PPFIA2: variants seen among roughly 807,000 people sequenced by gnomAD.
PPFIA2 encodes the protein liprin-alpha-2.
Under a neutral mutation model 175.5 loss-of-function variants are expected in PPFIA2, and 46 were observed. The observed-to-expected ratio is 0.26, with a 90% CI of 0.21 to 0.34. PPFIA2 has a LOEUF of 0.34. Among genes scored for constraint, PPFIA2 ranks in the 10% least tolerant of loss-of-function variants. The probability of loss-of-function intolerance (pLI) is 1.00; values close to 1 mark genes in which losing one functional copy is unlikely to be tolerated. For synonymous variants in PPFIA2, 568 were observed against 511.4 expected, an observed-to-expected ratio of 1.11 and a Z score of -1.49; for missense variants, 1,179 against 1,506.1, an observed-to-expected ratio of 0.78 and a Z score of 3.60.
intron 4 of PPFIA2, among the ~76,000 whole-genome samples, chr12:81,621,457 G>C (rs914056146): frequency 2.6e-5 from 4 of 152,184 alleles, no homozygotes; most frequent in African/African-American, 9.7e-5. Context: ...CTGAGCAGTG[G>C]GATGCCATAA....
At chr12:81,517,197 C>A (rs2062570332) in intron 4 of PPFIA2, among the ~76,000 whole-genome samples, 1 of 148,504 alleles carries the variant, frequency 6.7e-6, no homozygotes. Flanking sequence ...AAATTTGTCA[C>A]ACATGTTAAA....
intron 4 of PPFIA2, among the ~76,000 whole-genome samples, chr12:81,569,528 C>A (rs2072068351): frequency 6.6e-6 from 1 of 152,058 alleles, no homozygotes; most frequent in Non-Finnish European, 1.5e-5. Context: ...TAATATCTTT[C>A]CAGGTATACT....
chr12:81,617,245 T>C (rs958871447), intron 4 of PPFIA2, among the ~76,000 whole-genome samples: 4 of 152,208 alleles, frequency 2.6e-5, no homozygotes, highest in Non-Finnish European at 5.9e-5. Flanking sequence ...GTTGAATTTG[T>C]CCCTTTCTTA....
intron 4 of PPFIA2, among the ~76,000 whole-genome samples, chr12:81,625,105 TG>T (rs1166682434): frequency 6.6e-6 from 1 of 151,872 alleles, no homozygotes; most frequent in African/African-American, 2.4e-5. Flanking sequence ...ACAATATGTT[TG>T]TATGAATAGA....
At chr12:81,556,187 C>T (rs2068825665) in intron 4 of PPFIA2, among the ~76,000 whole-genome samples, 1 of 151,810 alleles carries the variant, frequency 6.6e-6, no homozygotes. Context: ...ACTTATTCAT[C>T]AAAATGAAAT....
intron 4 of PPFIA2, among the ~76,000 whole-genome samples, chr12:81,653,363 T>C (rs1352665610): frequency 1.3e-5 from 2 of 152,092 alleles, no homozygotes; most frequent in African/African-American, 4.8e-5. Context: ...CCTTTGTTCC[T>C]TGTCTTAGTA....
intron 24 of PPFIA2, among the ~76,000 whole-genome samples, chr12:81,290,672 G>A (rs550316261): frequency 3.9e-5 from 6 of 151,960 alleles, no homozygotes; most frequent in African/African-American, 1.2e-4. Flanking sequence ...ACATTTAGTA[G>A]TGATTTTTAA....
Position 81,368,704 on chromosome 12 carries a change from T to G in PPFIA2, c.1482+21A>C. 3 of 1,597,072 alleles carry G rather than the reference T, an allele frequency of 1.9e-6. No homozygotes were observed. The South Asian group carries it at 3.4e-5, about 18-fold the overall frequency. On this transcript the variant is annotated intron_variant, in intron 13 of 32. Transcript: ENST00000549396. ...GAGCATTGCAAAATATTCATGTGAT[T>G]TTACCCTTCTATCGTTTTACCTTTT...
chr12:81,718,011 G>A (rs1175133402), intron 3 of PPFIA2, among the ~76,000 whole-genome samples: 1 of 151,634 alleles, frequency 6.6e-6, no homozygotes, highest in Non-Finnish European at 1.5e-5. Context: ...GTCCCTCACT[G>A]GAGAGGCACC....
At chr12:81,316,212 G>C (rs2052321311) in intron 22 of PPFIA2, among the ~76,000 whole-genome samples, 1 of 151,462 alleles carries the variant, frequency 6.6e-6, no homozygotes, top group South Asian at 2.1e-4. Context: ...GCCCTTCTTA[G>C]AAGTGTGGAG....
At chr12:81,478,517 G>T (rs1159521083) in intron 4 of PPFIA2, among the ~76,000 whole-genome samples, 1 of 151,738 alleles carries the variant, frequency 6.6e-6, no homozygotes, top group East Asian at 1.9e-4. Flanking sequence ...GTTCATTTTA[G>T]ATTTTAGATC....
At position 81,363,702 on chromosome 12, in the gene PPFIA2, C is replaced by T. The variant is rs542565623; in HGVS notation, c.1546-918G>A. Among the ~76,000 whole-genome samples, 5 of 151,714 alleles carry T rather than the reference C, an allele frequency of 3.3e-5. No homozygotes were observed. The East Asian group carries it at 7.8e-4, about 24-fold the overall frequency. ...TTTTCTGTTCTTTTTATTCTCACTA[C>T]GTCACTACCATCCTACTCTAAGCCC... On this transcript the variant is annotated intron_variant, in intron 14 of 32. Transcript: ENST00000549396.
At chr12:81,561,682 A>G (rs1357137138) in intron 4 of PPFIA2, among the ~76,000 whole-genome samples, 3 of 152,170 alleles carry the variant, frequency 2.0e-5, no homozygotes, top group Non-Finnish European at 4.4e-5. Context: ...AAATTATAGC[A>G]TAGGGTTCAG....
chr12:81,362,574 G>A lies in PPFIA2; in HGVS notation c.1637+119C>T, dbSNP rs575018344. ...GCAAATCAGTGAAGAGTCAAAACAT[G>A]ATAATGACTAGTGAGCAATAGGAAG... On this transcript the variant is annotated intron_variant, in intron 15 of 32. Coordinates refer to ENST00000549396, the MANE Select transcript of PPFIA2 (RefSeq NM_003625.5). 3.5e-4 allele frequency: 197 copies of A among 559,378 alleles called. 1 individual carries two copies. The South Asian group carries it at 4.7e-3, about 13-fold the overall frequency. 34.7% of individuals were successfully genotyped at this position (559,378 alleles called of 1,614,324 possible).
chr12:81,302,748 A>G (rs573466990), intron 22 of PPFIA2: 81 of 441,288 alleles, frequency 1.8e-4, no homozygotes, highest in African/African-American at 1.5e-3. Context: ...AAATTTACAA[A>G]GCAATATTGC....
At chr12:81,707,735 C>G (rs12367491) in intron 3 of PPFIA2, among the ~76,000 whole-genome samples, 1 of 150,682 alleles carries the variant, frequency 6.6e-6, no homozygotes, top group African/African-American at 2.4e-5. Flanking sequence ...ATGTTTATTG[C>G]GGCACTATTC....
At chr12:81,706,163 T>A (rs1228839524) in intron 3 of PPFIA2, among the ~76,000 whole-genome samples, 1 of 152,184 alleles carries the variant, frequency 6.6e-6, no homozygotes, top group Non-Finnish European at 1.5e-5. Flanking sequence ...TGGGACCAAC[T>A]TAGAAGATTA....
At chr12:81,400,442 A>C (rs1255237363) in intron 8 of PPFIA2, among the ~76,000 whole-genome samples, 6 of 152,194 alleles carry the variant, frequency 3.9e-5, no homozygotes, top group Non-Finnish European at 7.3e-5. Context: ...GTTCTATAAT[A>C]AAAATACTAG....
intron 4 of PPFIA2, among the ~76,000 whole-genome samples, chr12:81,512,913 A>C (rs552747934): frequency 6.6e-6 from 1 of 152,200 alleles, no homozygotes; most frequent in East Asian, 1.9e-4. Flanking sequence ...CATGGTGTTA[A>C]GTAAAAAGCT....
Sources: allele counts gnomAD v4.1 joint callset (sites outside exome capture counted in the v4.1 genomes callset), GRCh38; gene constraint gnomAD v4.1.1; transcripts MANE v1.5; gene names NCBI Gene and HGNC (gene_info 2026-07-23, HGNC 2026-07-21).